PTPN23: variants seen among roughly 807,000 people sequenced by gnomAD.
The protein encoded by PTPN23 is protein tyrosine phosphatase non-receptor type 23, also known as tyrosine-protein phosphatase non-receptor type 23.
Under a neutral mutation model 156.3 loss-of-function variants are expected in PTPN23, and 72 were observed. That is an observed-to-expected ratio of 0.46 (90% confidence interval 0.38 to 0.56). The LOEUF is 0.56. Among genes scored for constraint, PTPN23 ranks in the 20% least tolerant of loss-of-function variants. The pLI is 0.00. For missense variants in PTPN23, 1,974 were observed against 2,171.5 expected, an observed-to-expected ratio of 0.91 and a Z score of 1.81; for synonymous variants, 957 against 899.6, an observed-to-expected ratio of 1.06 and a Z score of -1.14.
chr3:47,383,804 G>T (rs1387953883), intron 1 of PTPN23, among the ~76,000 whole-genome samples: 1 of 152,156 alleles, frequency 6.6e-6, no homozygotes, highest in Admixed American at 6.5e-5. Flanking sequence ...CCTTTAGCCC[G>T]AGGTGGTATC....
rs1439448543 is a variant in PTPN23, at chr3:47,405,557, AGCAGGAGACTGAGGG to A, written c.365-191_365-177del. 17 of 620,080 alleles carry A rather than the reference AGCAGGAGACTGAGGG, an allele frequency of 2.7e-5. No homozygotes were observed. The highest frequency in any genetic ancestry group is 4.8e-5 in the Non-Finnish European group (17 of 355,586). 38.4% of individuals were successfully genotyped at this position (620,080 alleles called of 1,614,324 possible). ...CCCTTCCATCCTCTGCCAAATGCAG[AGCAGGAGACTGAGGG>A]CTGGGCAGGACTTCTGAGTTTCCCT... On this transcript the variant is annotated intron_variant, in intron 4 of 24. Coordinates refer to ENST00000265562, the MANE Select transcript of PTPN23 (RefSeq NM_015466.4). The surrounding 1 kb of genome is among the most constrained non-coding windows in gnomAD (Gnocchi z 4.7).
At chr3:47,388,548 T>C (rs1159570339) in intron 1 of PTPN23, among the ~76,000 whole-genome samples, 3 of 152,170 alleles carry the variant, frequency 2.0e-5, no homozygotes, top group African/African-American at 7.2e-5. Flanking sequence ...GGAGTATCCA[T>C]TACCACAAGC....
Position 47,406,576 on chromosome 3 carries a change from G to A in PTPN23, c.723G>A (p.Val241=), listed in dbSNP as rs912463724. 1.2e-6 allele frequency: 2 copies of A among 1,613,890 alleles called. No individual in the cohort carries two copies. The highest frequency in any genetic ancestry group is 1.3e-5 in the African/African-American group (1 of 74,920). ...TCCAGAAGGACTGGAAGAAACTTGT[G>A]CAGATGAAGATCTACTACTTCGCAG... ...GRIQKDWKKL[V]QMKIYYFAAV... is the part of the protein sequence containing the mutation. The change falls in exon 8 of 25, where the codon GTG becomes GTA. Residue 241 remains valine, a synonymous_variant. Transcript: ENST00000265562. This position sits in a 1 kb window ranked among gnomAD's most constrained non-coding sequence, Gnocchi z 5.8.
At chr3:47,382,733 G>A (rs1357288644) in intron 1 of PTPN23, among the ~76,000 whole-genome samples, 1 of 114,136 alleles carries the variant, frequency 8.8e-6, no homozygotes. Flanking sequence ...CTGTCACCCA[G>A]GCTGGAGTGC....
Position 47,405,683 on chromosome 3 carries a change from C to T in PTPN23, c.365-66C>T, listed in dbSNP as rs374038584. ...TGATTGTGGATAACAGCAGTGCCCC[C>T]TCTGTCTCACCTTCACATGGGTGTG... On this transcript the variant is annotated intron_variant, in intron 4 of 24. Coordinates refer to ENST00000265562, the MANE Select transcript of PTPN23 (RefSeq NM_015466.4). This position sits in a 1 kb window ranked among gnomAD's most constrained non-coding sequence, Gnocchi z 4.7. The T allele has an allele frequency of 6.6e-7, 1 of 1,512,854 alleles. No homozygotes were observed. The allele number at this position is 1,512,854 out of a possible 1,614,324, so 93.7% of individuals were successfully genotyped here.
chr3:47,403,288 G>A (rs536166339), intron 2 of PTPN23, among the ~76,000 whole-genome samples: 158 of 152,048 alleles, frequency 1.0e-3, no homozygotes, highest in South Asian at 1.7e-3. Flanking sequence ...TCCTGACCTC[G>A]TGATCCTCCC....
intron 1 of PTPN23, among the ~76,000 whole-genome samples, chr3:47,385,032 G>C (rs1199555526): frequency 1.3e-5 from 2 of 152,262 alleles, no homozygotes; most frequent in Admixed American, 1.3e-4. Flanking sequence ...AAAGTGCTGG[G>C]ATTACAGGTA....
rs773381907 is a variant in PTPN23, at chr3:47,406,662, A to G, written c.760-41A>G. 1.9e-6 allele frequency: 3 copies of G among 1,613,934 alleles called. No homozygotes were observed. The highest frequency in any genetic ancestry group is 2.5e-6 in the Non-Finnish European group (3 of 1,179,954). ...GGGCAGGGCGGGGCTGAGTGGCCACAGCTCAGGAAGCAAGTCGTGGCGTCT... is the reference window on the plus strand; with the variant it reads ...GGGCAGGGCGGGGCTGAGTGGCCACGGCTCAGGAAGCAAGTCGTGGCGTCT... On this transcript the variant is annotated intron_variant, in intron 8 of 24. Coordinates refer to ENST00000265562, the MANE Select transcript of PTPN23 (RefSeq NM_015466.4). This position sits in a 1 kb window ranked among gnomAD's most constrained non-coding sequence, Gnocchi z 5.8.
rs1264185702 is a variant in PTPN23 at position 47,405,301 on chromosome 3, CCA to C, written c.364+225_364+226del. The stretch of plus-strand genomic sequence containing the variant: ...GGGCGAGGCTCTACTGGGCTGGCTG[CCA>C]CACAGAGTTGCCACTGTGTGCTCTG... On this transcript the variant is annotated intron_variant, in intron 4 of 24. Coordinates refer to ENST00000265562, the MANE Select transcript of PTPN23 (RefSeq NM_015466.4). The surrounding 1 kb of genome is among the most constrained non-coding windows in gnomAD (Gnocchi z 4.7). 2 of 587,798 alleles carry C rather than the reference CCA, an allele frequency of 3.4e-6. No homozygotes were observed. The highest frequency in any genetic ancestry group is 6.1e-6 in the Non-Finnish European group (2 of 328,612). The allele number at this position is 587,798 out of a possible 1,614,324, so 36.4% of individuals were successfully genotyped here.
intron 1 of PTPN23, among the ~76,000 whole-genome samples, chr3:47,393,583 T>A (rs550185507): frequency 6.6e-6 from 1 of 152,328 alleles, no homozygotes; most frequent in Middle Eastern, 3.4e-3. Flanking sequence ...TCTCAGCATG[T>A]GTTTCCTAAG....
intron 2 of PTPN23, among the ~76,000 whole-genome samples, chr3:47,400,943 C>T (rs1480458754): frequency 6.6e-6 from 1 of 151,914 alleles, no homozygotes. Flanking sequence ...CACTCTGTTG[C>T]CCAGGCTGGA....
In PTPN23 at chr3:47,410,183, C is replaced by A; in HGVS notation, c.2385C>A (p.Thr795=). 1 of 1,601,104 alleles carries A rather than the reference C, an allele frequency of 6.2e-7. No individual in the cohort carries two copies. ...TCTCAGGCCCCTTGCCCCCTGGTAC[C>A]TACTCGGGCCCCACCCAGCTGATAC... The part of the protein sequence containing the change: ...HYLSGPLPPG[T]YSGPTQLIQP... The change falls in exon 20 of 25, where the codon ACC becomes ACA. Residue 795 remains threonine, a synonymous_variant. Coordinates refer to ENST00000265562, the MANE Select transcript of PTPN23 (RefSeq NM_015466.4).
In PTPN23 at chr3:47,405,665, G is replaced by C. The variant is rs115759821; in HGVS notation, c.365-84G>C. 973 of 1,381,534 alleles carry C rather than the reference G, an allele frequency of 7.0e-4. 5 individuals carry two copies. In the African/African-American group the frequency reaches 0.012, roughly 17 times the overall value. The allele number at this position is 1,381,534 out of a possible 1,614,324, so 85.6% of individuals were successfully genotyped here. A position where few individuals can be genotyped will look rare whatever the true frequency, so the allele number is the denominator to read the frequency against. On this transcript the variant is annotated intron_variant, in intron 4 of 24. Transcript: ENST00000265562. This position sits in a 1 kb window ranked among gnomAD's most constrained non-coding sequence, Gnocchi z 4.7. ...CTCAGAGCCATGTTGTCCTGATTGT[G>C]GATAACAGCAGTGCCCCCTCTGTCT... is the stretch of plus-strand genomic sequence containing the variant.
intron 1 of PTPN23, among the ~76,000 whole-genome samples, chr3:47,389,347 A>G (rs1381452307): frequency 6.6e-6 from 1 of 152,186 alleles, no homozygotes; most frequent in African/African-American, 2.4e-5. Flanking sequence ...ATGGTGACTC[A>G]TGCCTGTAAT....
Position 47,405,454 on chromosome 3 carries a change from C to G in PTPN23, c.365-295C>G, listed in dbSNP as rs1336815491. 7 of 543,846 alleles carry G rather than the reference C, an allele frequency of 1.3e-5. No individual in the cohort carries two copies. Among genetic ancestry groups the G allele is most frequent in the Admixed American group, 6.6e-5 (2 of 30,368 alleles). 33.7% of individuals were successfully genotyped at this position (543,846 alleles called of 1,614,324 possible). A position where few individuals can be genotyped will look rare whatever the true frequency, so the allele number is the denominator to read the frequency against. On this transcript the variant is annotated intron_variant, in intron 4 of 24. Coordinates refer to ENST00000265562, the MANE Select transcript of PTPN23 (RefSeq NM_015466.4). This position sits in a 1 kb window ranked among gnomAD's most constrained non-coding sequence, Gnocchi z 4.7. ...CCTGCTAGTCAGCCTTAGCCTGGCT[C>G]AAGGGAGAAGCTTGGGGAGCCCCAG...
chr3:47,388,037 G>A (rs573577174), intron 1 of PTPN23, among the ~76,000 whole-genome samples: 1 of 152,270 alleles, frequency 6.6e-6, no homozygotes, highest in South Asian at 2.1e-4. Flanking sequence ...CATAGCTATT[G>A]GAATCAGACC....
Position 47,404,682 on chromosome 3 carries a change from G to T in PTPN23, c.190G>T (p.Gly64Cys), listed in dbSNP as rs1184640483. Residue 64 changes from glycine (G) to cysteine (C), a missense_variant, in exon 3 of 25, where the codon GGC becomes TGC. Gly to Cys is a radical substitution (Grantham distance 159). Transcript: ENST00000265562. Reference protein sequence around the residue: ...NAVRVPRDFEGCSVLRKYLGQ... With the variant: ...NAVRVPRDFECCSVLRKYLGQ... ...TGTCCGTGTCCCACGAGACTTTGAG[G>T]GCTGTAGTGTCCTCCGCAAGTACCT... is the stretch of plus-strand genomic sequence containing the variant. 6.2e-7 allele frequency: 1 copy of T among 1,613,966 alleles called. No homozygotes were observed. The highest frequency in any genetic ancestry group is 1.1e-5 in the South Asian group (1 of 91,076).
chr3:47,409,315 A>G lies in PTPN23; in HGVS notation c.1795A>G (p.Lys599Glu). 6.2e-7 allele frequency: 1 copy of G among 1,613,958 alleles called. No homozygotes were observed. The highest frequency in any genetic ancestry group is 8.5e-7 in the Non-Finnish European group (1 of 1,179,966). The part of the protein sequence containing the change: ...SLVTTDHSEM[K>E]KLFEEQLKKY... ...GGTCACCACAGACCACTCAGAGATG[A>G]AGGTGGGCTGGGTGAGCAGGGTAGA... The change falls in exon 17 of 25, where the codon AAG (lysine) becomes GAG (glutamate). Residue 599 changes from lysine to glutamate, a missense_variant and splice_region_variant. Transcript: ENST00000265562.
Position 47,406,050 on chromosome 3 carries a change from A to T in PTPN23, c.546+4A>T, listed in dbSNP as rs775297165. The T allele has an allele frequency of 1.2e-6, 2 of 1,611,562 alleles. No individual in the cohort carries two copies. ...GCTCAACGTCAACCTCATGCTGGTGAGGAGGCGCCCTGGTTGGAGTGGAGT... is the reference window on the plus strand; with the variant it reads ...GCTCAACGTCAACCTCATGCTGGTGTGGAGGCGCCCTGGTTGGAGTGGAGT... On this transcript the variant is annotated splice_donor_region_variant and intron_variant, in intron 6 of 24. Coordinates refer to ENST00000265562, the MANE Select transcript of PTPN23 (RefSeq NM_015466.4). The surrounding 1 kb of genome is among the most constrained non-coding windows in gnomAD (Gnocchi z 5.8).
Sources: allele counts gnomAD v4.1 joint callset (sites outside exome capture counted in the v4.1 genomes callset), GRCh38; gene constraint gnomAD v4.1.1; non-coding constraint Gnocchi (gnomAD v3.1); transcripts MANE v1.5; gene names NCBI Gene and HGNC (gene_info 2026-07-23, HGNC 2026-07-21).